The following PRDM2 variants were observed in gnomAD, a reference collection of about 807,000 sequenced individuals.
PRDM2 encodes the protein PR/SET domain 2, also known as PR domain zinc finger protein 2.
In PRDM2, 30 loss-of-function variants were observed where a neutral mutation model predicts 130.0. That is an observed-to-expected ratio of 0.23 (90% CI 0.17 to 0.31). The LOEUF (loss-of-function observed/expected upper bound fraction) is 0.31, where lower values mean the gene tolerates loss of function less well. Among genes scored for constraint, PRDM2 ranks in the 10% least tolerant of loss-of-function variants. The probability of loss-of-function intolerance (pLI) is 1.00; values close to 1 mark genes in which losing one functional copy is unlikely to be tolerated. For missense variants in PRDM2, 2,011 were observed against 2,108.4 expected (o/e 0.95, Z 0.90); for synonymous variants, 871 against 782.4 (o/e 1.11, Z -1.89).
intron 9 of PRDM2, among the ~76,000 whole-genome samples, chr1:13,819,182 C>A (rs1445941866): frequency 1.3e-5 from 2 of 152,232 alleles, no homozygotes. Flanking sequence ...GAGCCAGGTG[C>A]AGCTGGGCTG....
chr1:13,725,007 G>A lies in PRDM2; in HGVS notation c.10-5993G>A, dbSNP rs116869387. ...TCCACTCTTGTAGGTTTGGTCTCTA[G>A]GAGTCGGTCCTGTCTTCTTAGCCCT... On this transcript the variant is annotated intron_variant, in intron 2 of 9. Transcript: ENST00000311066. Among the ~76,000 whole-genome samples, 8 of 152,246 alleles carry A rather than the reference G, an allele frequency of 5.3e-5. No individual in the cohort carries two copies. In the East Asian group the frequency reaches 1.5e-3, roughly 29 times the overall value.
At chr1:13,817,726 G>A (rs1299033798) in intron 9 of PRDM2, among the ~76,000 whole-genome samples, 1 of 152,048 alleles carries the variant, frequency 6.6e-6, no homozygotes, top group Non-Finnish European at 1.5e-5. Context: ...TCAGCCGGGC[G>A]CGGTCGCTCA....
intron 1 of PRDM2, among the ~76,000 whole-genome samples, 168 bp downstream of exon 1, chr1:13,700,468 C>T (rs981670220): frequency 6.7e-6 from 1 of 150,156 alleles, no homozygotes; most frequent in African/African-American, 2.4e-5. Context: ...GTGCCGGGGG[C>T]CCCGGGACGA....
chr1:13,781,988 G>A lies in PRDM2; in HGVS notation c.4193G>A (p.Gly1398Glu). The change falls in exon 8 of 10, where the codon GGA becomes GAA. Residue 1398 changes from glycine to glutamate, a missense_variant. Physicochemically the swap from Gly to Glu is moderately conservative, Grantham distance 98. This residue lies in a region of PRDM2 where 410 missense variants were observed against 395.9 expected (regional missense o/e 1.04). Coordinates refer to ENST00000311066, the MANE Select transcript of PRDM2 (RefSeq NM_001393986.1). The surrounding 1 kb of genome is among the most constrained non-coding windows in gnomAD (Gnocchi z 6.1). Reference protein sequence around the residue: ...NSGKNAFRRMGQPKRLNFSVE... With the variant: ...NSGKNAFRRMEQPKRLNFSVE... ...GGGAAAAATGCCTTCCGACGAATGGGACAGCCCAAAAGGCTTAACTTTAGT... is the reference window on the plus strand; with the variant it reads ...GGGAAAAATGCCTTCCGACGAATGGAACAGCCCAAAAGGCTTAACTTTAGT... 4 of 1,614,186 alleles carry A rather than the reference G, an allele frequency of 2.5e-6. No individual in the cohort carries two copies. Among genetic ancestry groups the A allele is most frequent in the Non-Finnish European group, 3.4e-6 (4 of 1,180,046 alleles).
intron 8 of PRDM2, chr1:13,787,917 G>A: frequency 3.0e-6 from 3 of 985,352 alleles, no homozygotes; most frequent in Non-Finnish European, 3.6e-6. Context: ...ATAGACAAGA[G>A]TGGTGTTTGT....
chr1:13,786,376 T>C (rs1644740048), intron 8 of PRDM2: 1 of 1,181,674 alleles, frequency 8.5e-7, no homozygotes. Flanking sequence ...GGACGCTCGT[T>C]CCTAAATGCC....
At chr1:13,817,987 C>T (rs1431810189) in intron 9 of PRDM2, among the ~76,000 whole-genome samples, 1 of 152,152 alleles carries the variant, frequency 6.6e-6, no homozygotes, top group Admixed American at 6.5e-5. Flanking sequence ...TCACATCACC[C>T]CTATGAGATG....
intron 6 of PRDM2, chr1:13,772,361 G>C (rs921294318): frequency 1.3e-5 from 2 of 152,168 alleles, no homozygotes; most frequent in Admixed American, 6.5e-5. Flanking sequence ...TTATGAGAAC[G>C]ATGTTGCAAT....
intron 6 of PRDM2, among the ~76,000 whole-genome samples, chr1:13,765,128 AC>A: frequency 6.6e-6 from 1 of 152,010 alleles, no homozygotes; most frequent in South Asian, 2.1e-4. Flanking sequence ...AACCACACCC[AC>A]CCCGCTGCAA....
intron 7 of PRDM2, among the ~76,000 whole-genome samples, chr1:13,775,053 G>A (rs996155903): frequency 9.2e-5 from 14 of 151,972 alleles, no homozygotes; most frequent in Admixed American, 5.9e-4. Context: ...GTAGGCTTCC[G>A]CTGAATGTTC....
At chr1:13,734,909 T>C (rs1014190481) in intron 4 of PRDM2, among the ~76,000 whole-genome samples, 1 of 152,222 alleles carries the variant, frequency 6.6e-6, no homozygotes, top group African/African-American at 2.4e-5. Flanking sequence ...ATGTAAATAT[T>C]TCTTAGAAGA....
Position 13,779,088 on chromosome 1 carries a change from T to G in PRDM2, c.1293T>G (p.Ala431=). The part of the protein sequence containing the change: ...SQTLQPSEDL[A]DGKASGENVA... ...CACTACAGCCGTCAGAGGATCTGGC[T>G]GATGGCAAAGCATCTGGAGAAAACG... is the stretch of plus-strand genomic sequence containing the variant. Residue 431 remains alanine, a synonymous_variant, in exon 8 of 10, where the codon GCT becomes GCG. Transcript: ENST00000311066. This position sits in a 1 kb window ranked among gnomAD's most constrained non-coding sequence, Gnocchi z 4.9. The G allele has an allele frequency of 6.2e-7, 1 of 1,614,204 alleles. No homozygotes were observed. The highest frequency in any genetic ancestry group is 2.2e-5 in the East Asian group (1 of 44,882).
In PRDM2 at chr1:13,771,240, C is replaced by T. The variant is rs1445515884; in HGVS notation, c.512-1838C>T. Among the ~76,000 whole-genome samples, 2 of 152,056 alleles carry T rather than the reference C, an allele frequency of 1.3e-5. No homozygotes were observed. Among genetic ancestry groups the T allele is most frequent in the Non-Finnish European group, 1.5e-5 (1 of 68,020 alleles). ...TGGCTTATAATTCTTCACCTGGAGA[C>T]GTGTGTTGGTCATCTCCATGCAGAT... On this transcript the variant is annotated intron_variant, in intron 6 of 9. Coordinates refer to ENST00000311066, the MANE Select transcript of PRDM2 (RefSeq NM_001393986.1). The surrounding 1 kb of genome is among the most constrained non-coding windows in gnomAD (Gnocchi z 4.1).
At chr1:13,811,082 G>A (rs146928251) in intron 8 of PRDM2, among the ~76,000 whole-genome samples, 5,203 of 152,104 alleles carry the variant, frequency 0.034, 330 homozygotes, top group African/African-American at 0.12. Context: ...TACTCAGGAG[G>A]CTGAGGCGGG....
intron 8 of PRDM2, among the ~76,000 whole-genome samples, chr1:13,789,915 A>C (rs992808632): frequency 2.6e-5 from 4 of 151,972 alleles, no homozygotes; most frequent in African/African-American, 9.7e-5. Flanking sequence ...TGATGGCACC[A>C]CTCCTGCAGC....
chr1:13,741,308 G>A (rs1643429694), intron 4 of PRDM2, among the ~76,000 whole-genome samples: 1 of 152,176 alleles, frequency 6.6e-6, no homozygotes, highest in African/African-American at 2.4e-5. Flanking sequence ...AAGGGGTTGA[G>A]GTTTTGGTCC....
chr1:13,757,234 T>C (rs1643978631), intron 6 of PRDM2, among the ~76,000 whole-genome samples: 1 of 152,258 alleles, frequency 6.6e-6, no homozygotes, highest in African/African-American at 2.4e-5. Flanking sequence ...CAAATAGTTT[T>C]TAAAAACACA....
Position 13,779,768 on chromosome 1 carries a change from C to G in PRDM2, c.1973C>G (p.Pro658Arg), listed in dbSNP as rs772260739. 6.2e-6 allele frequency: 10 copies of G among 1,614,126 alleles called. No homozygotes were observed. Among genetic ancestry groups the G allele is most frequent in the East Asian group, 2.2e-5 (1 of 44,898 alleles). ...ATTAAGGCCGAAACAGACTCTGACC[C>G]CATGGTCCCCTCTTGCTCTTTAAGT... ...PKIKAETDSD[P>R]MVPSCSLSLP... The change falls in exon 8 of 10, where the codon CCC becomes CGC. Residue 658 changes from proline to arginine, a missense_variant. Physicochemically the swap from Pro to Arg is moderately radical, Grantham distance 103 (BLOSUM62 -2). This residue lies in a region of PRDM2 where 1,288 missense variants were observed against 1,237.7 expected (regional missense o/e 1.04). Transcript: ENST00000311066. This position sits in a 1 kb window ranked among gnomAD's most constrained non-coding sequence, Gnocchi z 4.9.
Position 13,778,605 on chromosome 1 carries a change from G to A in PRDM2, c.810G>A (p.Glu270=). Reference sequence around the variant, plus strand: ...AGGTGAATGATTTGGGGGAAGAGGAGGAGGAGGAAGAGGAGGAGGATGAAG... The same window carrying A: ...AGGTGAATGATTTGGGGGAAGAGGAAGAGGAGGAAGAGGAGGAGGATGAAG... The part of the protein sequence containing the change: ...ACEVNDLGEE[E]EEEEEEDEEE... Residue 270 remains glutamate (E), a synonymous_variant, in exon 8 of 10, where the codon GAG becomes GAA. Coordinates refer to ENST00000311066, the MANE Select transcript of PRDM2 (RefSeq NM_001393986.1). 2.5e-6 allele frequency: 4 copies of A among 1,613,634 alleles called. No individual in the cohort carries two copies. The highest frequency in any genetic ancestry group is 1.7e-4 in the Middle Eastern group (1 of 6,056).
Sources: allele counts gnomAD v4.1 joint callset (sites outside exome capture counted in the v4.1 genomes callset), GRCh38; gene constraint gnomAD v4.1.1; regional missense constraint gnomAD v4.1.1; non-coding constraint Gnocchi (gnomAD v3.1); transcripts MANE v1.5; gene names NCBI Gene and HGNC (gene_info 2026-07-23, HGNC 2026-07-21).